Variants in PTPRS observed in about 807,000 individuals in gnomAD.
PTPRS encodes the protein receptor-type tyrosine-protein phosphatase S.
Under a neutral mutation model 215.3 loss-of-function variants are expected in PTPRS, and 63 were observed. That is an observed-to-expected ratio of 0.29 (90% confidence interval 0.24 to 0.36). The LOEUF (loss-of-function observed/expected upper bound fraction) is 0.36. Among genes scored for constraint, PTPRS ranks in the 10% least tolerant of loss-of-function variants. The pLI, the probability that PTPRS is intolerant of heterozygous loss-of-function variation, is 1.00. For synonymous variants in PTPRS, 1,404 were observed against 1,191.4 expected (o/e 1.18, Z -3.68); for missense variants, 2,258 against 2,825.8 (o/e 0.80, Z 4.56).
chr19:5,208,137 C>T (rs1433579839), intron 36 of PTPRS, 80 bp from the exon 37 acceptor site: 20 of 1,574,342 alleles, frequency 1.3e-5, no homozygotes, highest in African/African-American at 4.0e-5. Flanking sequence ...TCCCCGAGGA[C>T]TCTAACAGCC....
At position 5,206,857 on chromosome 19, in the gene PTPRS, G is replaced by A. The variant is rs74781500; in HGVS notation, c.5779-15C>T. 199 of 1,613,614 alleles carry A rather than the reference G, an allele frequency of 1.2e-4. 1 individual carries two copies. The East Asian group carries it at 4.4e-3, about 36-fold the overall frequency. ...TGGTACTCATCCTGGGGGAGCAGAGGTGACCTGTTAGTACCTCCGCTGCTC... is the reference window on the plus strand; with the variant it reads ...TGGTACTCATCCTGGGGGAGCAGAGATGACCTGTTAGTACCTCCGCTGCTC... On this transcript the variant is annotated splice_polypyrimidine_tract_variant and intron_variant, in intron 37 of 37. Coordinates refer to ENST00000262963, the MANE Select transcript of PTPRS (RefSeq NM_002850.4).
chr19:5,290,774 C>G (rs1320737468), intron 1 of PTPRS, among the ~76,000 whole-genome samples: 1 of 152,018 alleles, frequency 6.6e-6, no homozygotes, highest in Non-Finnish European at 1.5e-5. Flanking sequence ...GGAAAGACCC[C>G]TGACCCTGCA....
rs12985118 is a variant in PTPRS at position 5,338,964 on chromosome 19, T to C, written c.-95+1700A>G. ...GAGGCCAGAATCCCAGCAGCCAAAG[T>C]CCGGGTGGTGGCGGACGGGAGCCCG... On this transcript the variant is annotated intron_variant, in intron 1 of 37. Coordinates refer to ENST00000262963, the MANE Select transcript of PTPRS (RefSeq NM_002850.4). This position sits in a 1 kb window ranked among gnomAD's most constrained non-coding sequence, Gnocchi z 4.2. Among the ~76,000 whole-genome samples, 6,501 of 152,184 alleles carry C rather than the reference T, an allele frequency of 0.043. 204 individuals are homozygous for C. The highest frequency in any genetic ancestry group is 0.079 in the African/African-American group (3,300 of 41,522).
chr19:5,212,118 C>T lies in PTPRS; in HGVS notation c.4902G>A (p.Thr1634=), dbSNP rs144406290. Residue 1634 remains threonine, a synonymous_variant, in exon 32 of 38, where the codon ACG becomes ACA. Coordinates refer to ENST00000262963, the MANE Select transcript of PTPRS (RefSeq NM_002850.4). ...MRSQRNYMVQ[T]EDQYSFIHEA... Reference sequence around the variant, plus strand: ...CGTGGATGAAGCTGTACTGGTCCTCCGTCTGCACCATGTAGTTGCGCTGGG... The same window carrying T: ...CGTGGATGAAGCTGTACTGGTCCTCTGTCTGCACCATGTAGTTGCGCTGGG... 9.0e-5 allele frequency: 145 copies of T among 1,614,108 alleles called. No individual in the cohort carries two copies. In the African/African-American group the frequency reaches 1.1e-3, roughly 12 times the overall value.
At position 5,338,811 on chromosome 19, in the gene PTPRS, A is replaced by G. The variant is rs1267471536; in HGVS notation, c.-95+1853T>C. On this transcript the variant is annotated intron_variant, in intron 1 of 37. Coordinates refer to ENST00000262963, the MANE Select transcript of PTPRS (RefSeq NM_002850.4). This position sits in a 1 kb window ranked among gnomAD's most constrained non-coding sequence, Gnocchi z 4.2. ...CAGCTGCCGCTGGTATCGCAGGAGC[A>G]GAGGAGCGGGATGGCTTCCTTCTCC... 6.6e-6 allele frequency among the ~76,000 whole-genome samples: 1 copy of G among 152,170 alleles called. No homozygotes were observed. Among genetic ancestry groups the G allele is most frequent in the African/African-American group, 2.4e-5 (1 of 41,440 alleles).
intron 1 of PTPRS, among the ~76,000 whole-genome samples, chr19:5,313,811 T>C (rs902568480): frequency 6.6e-6 from 1 of 152,036 alleles, no homozygotes; most frequent in African/African-American, 2.4e-5. Flanking sequence ...AGACCACAGG[T>C]TTGCTGGGCA....
At chr19:5,245,683 G>A in intron 10 of PTPRS, 93 bp downstream of exon 10, 1 of 1,474,538 alleles carries the variant, frequency 6.8e-7, no homozygotes, top group South Asian at 1.4e-5. Flanking sequence ...GGGTAACTCG[G>A]AGGTGCTCCC....
intron 1 of PTPRS, among the ~76,000 whole-genome samples, chr19:5,302,820 G>A (rs1306228004): frequency 2.6e-5 from 4 of 151,700 alleles, no homozygotes; most frequent in Non-Finnish European, 5.9e-5. Flanking sequence ...CACTTTGGGA[G>A]GTTGAGGCGG....
rs781361292 is a variant in PTPRS, at chr19:5,222,238, G to C, written c.3104-18C>G. 2.0e-5 allele frequency: 32 copies of C among 1,598,878 alleles called. No individual in the cohort carries two copies. The highest frequency in any genetic ancestry group is 2.6e-5 in the Non-Finnish European group (30 of 1,167,106). On this transcript the variant is annotated intron_variant, in intron 18 of 37. Coordinates refer to ENST00000262963, the MANE Select transcript of PTPRS (RefSeq NM_002850.4). ...GGGCGAGACTGCCGGGGAGGCGGCCGAGCAGGGAGAGAGCAGAAGAGAGGC... is the reference window on the plus strand; with the variant it reads ...GGGCGAGACTGCCGGGGAGGCGGCCCAGCAGGGAGAGAGCAGAAGAGAGGC...
chr19:5,231,219 G>C, intron 14 of PTPRS, 91 bp downstream of exon 14: 1 of 1,366,328 alleles, frequency 7.3e-7, no homozygotes, highest in Non-Finnish European at 9.8e-7. Context: ...TCCGCCCTTT[G>C]ACCACCAGCC....
chr19:5,240,263 G>A lies in PTPRS; in HGVS notation c.1640C>T (p.Pro547Leu), dbSNP rs1164400838. 1.3e-6 allele frequency: 2 copies of A among 1,592,814 alleles called. No individual in the cohort carries two copies. Among genetic ancestry groups the A allele is most frequent in the African/African-American group, 2.7e-5 (2 of 74,586 alleles). ...SETSITLSWS[P>L]PRQESIIKYE... ...CTTGATGATACTCTCCTGCCGCGGG[G>A]GGCTCCAGGACAGCGTGATGCTGGT... is the stretch of plus-strand genomic sequence containing the variant. Residue 547 changes from proline (P) to leucine (L), a missense_variant, in exon 12 of 38, where the codon CCC (proline) becomes CTC (leucine). By Grantham distance (98) the Pro-to-Leu change is moderately conservative. This residue lies in a region of PTPRS where 508 missense variants were observed against 799.4 expected (regional missense o/e 0.64). Transcript: ENST00000262963.
At position 5,218,814 on chromosome 19, in the gene PTPRS, G is replaced by A. The variant is rs775183488; in HGVS notation, c.3924-16C>T. ...GTCGGGTTTGCTGTTCCCGAAAGCAGACACAGGTGAGAAGGGGGAAAAAAA... is the reference window on the plus strand; with the variant it reads ...GTCGGGTTTGCTGTTCCCGAAAGCAAACACAGGTGAGAAGGGGGAAAAAAA... On this transcript the variant is annotated splice_polypyrimidine_tract_variant and intron_variant, in intron 23 of 37. Transcript: ENST00000262963. The A allele has an allele frequency of 6.3e-7, 1 of 1,599,214 alleles. No individual in the cohort carries two copies. The highest frequency in any genetic ancestry group is 8.5e-7 in the Non-Finnish European group (1 of 1,174,368).
chr19:5,290,051 ATGG>A (rs2048682342), intron 1 of PTPRS, among the ~76,000 whole-genome samples: 1 of 152,238 alleles, frequency 6.6e-6, no homozygotes, highest in East Asian at 1.9e-4. Flanking sequence ...TAGGAAAAGC[ATGG>A]CAGCCCATGG....
intron 16 of PTPRS, among the ~76,000 whole-genome samples, chr19:5,227,563 C>A (rs540710153): frequency 6.6e-6 from 1 of 152,008 alleles, no homozygotes; most frequent in Non-Finnish European, 1.5e-5. Flanking sequence ...TACAGGCATG[C>A]GCCACCACGC....
chr19:5,316,966 C>T (rs1386379270), intron 1 of PTPRS, among the ~76,000 whole-genome samples: 2 of 152,196 alleles, frequency 1.3e-5, no homozygotes, highest in South Asian at 2.1e-4. Flanking sequence ...CTCCTAGCCA[C>T]GCTGAGACGT....
intron 14 of PTPRS, 26 bp from the exon 15 acceptor site, chr19:5,229,710 G>T: frequency 8.1e-7 from 1 of 1,227,968 alleles, no homozygotes; most frequent in Non-Finnish European, 1.0e-6. Flanking sequence ...GGAGGGGAGG[G>T]GCGGGCGGAG....
At chr19:5,319,481 T>G (rs2049969052) in intron 1 of PTPRS, among the ~76,000 whole-genome samples, 2 of 151,678 alleles carry the variant, frequency 1.3e-5, no homozygotes, top group African/African-American at 2.4e-5. Flanking sequence ...CCACCCACCT[T>G]TGCCTTCACC....
At chr19:5,211,007 A>G (rs2040824720) in intron 33 of PTPRS, among the ~76,000 whole-genome samples, 1 of 152,214 alleles carries the variant, frequency 6.6e-6, no homozygotes, top group Admixed American at 6.5e-5. Context: ...GTCTCATGAC[A>G]AATTCAAATC....
At chr19:5,218,676 T>C (rs1342092410) in intron 24 of PTPRS, 111 bp downstream of exon 24, 1 of 1,507,936 alleles carries the variant, frequency 6.6e-7, no homozygotes, top group Non-Finnish European at 9.2e-7. Flanking sequence ...CAGCTACGTG[T>C]ACAAGCTGTG....
Sources: gnomAD v4.1 joint callset for allele counts (sites outside exome capture counted in the v4.1 genomes callset) on GRCh38, gnomAD v4.1.1 for gene constraint, gnomAD v4.1.1 regional missense constraint, Gnocchi (gnomAD v3.1) non-coding constraint, MANE v1.5 for transcripts, NCBI Gene and HGNC (gene_info 2026-07-23, HGNC 2026-07-21) for gene names.